OXR1: variants seen among roughly 807,000 people sequenced by gnomAD.
OXR1 encodes oxidation resistance protein 1.
Under a neutral mutation model 104.6 loss-of-function variants are expected in OXR1, and 41 were observed. That is an observed-to-expected ratio of 0.39 (90% confidence interval 0.31 to 0.51). The LOEUF (loss-of-function observed/expected upper bound fraction) is 0.51. Ranked by LOEUF, OXR1 falls within the 20% of genes least tolerant of loss-of-function variation. OXR1 has a pLI of 0.77. For missense variants in OXR1, 955 were observed against 1,031.9 expected (o/e 0.93, Z 1.02); for synonymous variants, 348 against 348.4 (o/e 1.00, Z 0.01).
At chr8:106,307,321 A>G (rs1813505488) in intron 1 of OXR1, among the ~76,000 whole-genome samples, 1 of 152,100 alleles carries the variant, frequency 6.6e-6, no homozygotes, top group African/African-American at 2.4e-5. Context: ...TGATTTCCCC[A>G]TTGTCCCCAG....
rs535393445 is a variant in OXR1 at position 106,639,795 on chromosome 8, G to A, written c.221-39415G>A. On this transcript the variant is annotated intron_variant, in intron 3 of 16. Coordinates refer to ENST00000517566, the MANE Select transcript of OXR1 (RefSeq NM_001198533.2). ...TAATGCTTTCTATTGAAGAATTGAT[G>A]TATCATTCCAGATGCTCCTAGAATA... Among the ~76,000 whole-genome samples, 10 of 152,284 alleles carry A rather than the reference G, an allele frequency of 6.6e-5. 1 individual carries two copies. The South Asian group carries it at 2.1e-3, about 32-fold the overall frequency.
intron 2 of OXR1, among the ~76,000 whole-genome samples, chr8:106,478,604 T>C (rs1821931065): frequency 6.6e-6 from 1 of 151,866 alleles, no homozygotes; most frequent in Non-Finnish European, 1.5e-5. Flanking sequence ...AGATAAATAC[T>C]GGACTTAGTT....
chr8:106,274,600 A>ACCG (rs1811953902), intron 1 of OXR1, among the ~76,000 whole-genome samples: 1 of 108,866 alleles, frequency 9.2e-6, no homozygotes, highest in African/African-American at 3.5e-5. Flanking sequence ...CAGCAACGCC[A>ACCG]CCCCCCCCCC....
chr8:106,409,497 A>C (rs1301533454), intron 2 of OXR1, among the ~76,000 whole-genome samples: 1 of 152,218 alleles, frequency 6.6e-6, no homozygotes, highest in Non-Finnish European at 1.5e-5. Flanking sequence ...AACAATTATC[A>C]TATACAAGAA....
At chr8:106,336,541 A>G (rs903496288) in intron 1 of OXR1, among the ~76,000 whole-genome samples, 1 of 152,234 alleles carries the variant, frequency 6.6e-6, no homozygotes, top group Non-Finnish European at 1.5e-5. Flanking sequence ...CATTTCAAAT[A>G]TAGACTTGTG....
At chr8:106,409,614 G>C (rs1402151321) in intron 2 of OXR1, among the ~76,000 whole-genome samples, 1 of 152,128 alleles carries the variant, frequency 6.6e-6, no homozygotes, top group East Asian at 1.9e-4. Flanking sequence ...TCAAAGGAAT[G>C]ACATCCATGG....
intron 2 of OXR1, among the ~76,000 whole-genome samples, chr8:106,510,558 T>C (rs1047502813): frequency 2.0e-5 from 3 of 152,196 alleles, no homozygotes; most frequent in Admixed American, 6.5e-5. Context: ...TAGTTTGGGG[T>C]TTAATTTCTA....
chr8:106,363,558 T>G (rs952565415), intron 2 of OXR1, among the ~76,000 whole-genome samples: 15 of 136,620 alleles, frequency 1.1e-4, no homozygotes, highest in Non-Finnish European at 1.9e-4. Flanking sequence ...CATATATTCG[T>G]TTTTTTTTTT....
intron 3 of OXR1, among the ~76,000 whole-genome samples, chr8:106,642,472 A>G (rs1325906366): frequency 1.3e-5 from 2 of 152,200 alleles, no homozygotes; most frequent in African/African-American, 4.8e-5. Flanking sequence ...GTCATATTTA[A>G]TAAATGGCTT....
chr8:106,344,992 C>G (rs1297385619), intron 1 of OXR1, among the ~76,000 whole-genome samples: 1 of 152,218 alleles, frequency 6.6e-6, no homozygotes, highest in Non-Finnish European at 1.5e-5. Flanking sequence ...TGTGAGGAAA[C>G]AGCTGTGCTT....
At chr8:106,722,780 C>A (rs916793043) in intron 11 of OXR1, among the ~76,000 whole-genome samples, 1 of 152,134 alleles carries the variant, frequency 6.6e-6, no homozygotes, top group African/African-American at 2.4e-5. Flanking sequence ...CTTAAAGATG[C>A]ATTTCTCAGA....
intron 2 of OXR1, among the ~76,000 whole-genome samples, chr8:106,485,093 G>C (rs1375480526): frequency 1.3e-5 from 2 of 151,930 alleles, no homozygotes; most frequent in African/African-American, 4.8e-5. Flanking sequence ...CTGTATGATT[G>C]AAACTATATG....
chr8:106,595,566 A>AAAAAG (rs1479957421), intron 3 of OXR1, among the ~76,000 whole-genome samples: 2 of 151,636 alleles, frequency 1.3e-5, no homozygotes, highest in African/African-American at 2.4e-5. Context: ...AAAAAAAAAA[A>AAAAAG]AAAAGAAAAG....
intron 1 of OXR1, among the ~76,000 whole-genome samples, chr8:106,350,621 A>G (rs959777076): frequency 5.9e-5 from 9 of 152,220 alleles, no homozygotes; most frequent in Non-Finnish European, 1.0e-4. Context: ...CAAGGTTACC[A>G]TCTGTGCTGA....
chr8:106,729,792 C>G (rs528187073), intron 11 of OXR1: 1 of 152,140 alleles, frequency 6.6e-6, no homozygotes, highest in African/African-American at 2.4e-5. Context: ...AATTTAATAG[C>G]ATAGTGGTCT....
intron 3 of OXR1, among the ~76,000 whole-genome samples, chr8:106,575,699 TA>T (rs10583625): frequency 0.17 from 25,440 of 145,816 alleles, 2,248 homozygotes; most frequent in East Asian, 0.33. Flanking sequence ...AAGAATATAT[TA>T]AAAAAAAAAA....
At chr8:106,646,399 C>T (rs531069726) in intron 3 of OXR1, among the ~76,000 whole-genome samples, 1 of 152,046 alleles carries the variant, frequency 6.6e-6, no homozygotes, top group Non-Finnish European at 1.5e-5. Flanking sequence ...TGAGCCACCG[C>T]GCTTGGCCCT....
intron 2 of OXR1, among the ~76,000 whole-genome samples, chr8:106,444,264 T>G (rs1819919803): frequency 6.6e-6 from 1 of 152,194 alleles, no homozygotes; most frequent in African/African-American, 2.4e-5. Context: ...GTTCAACCAT[T>G]GTGGAAGACA....
intron 10 of OXR1, 29 bp from the exon 11 acceptor site, chr8:106,713,794 G>A (rs1276732688): frequency 7.2e-7 from 1 of 1,388,854 alleles, no homozygotes; most frequent in South Asian, 1.6e-5. Context: ...CAGAATACTA[G>A]GTATATTAAT....
Sources: gnomAD v4.1 joint callset for allele counts (sites outside exome capture counted in the v4.1 genomes callset) on GRCh38, gnomAD v4.1.1 for gene constraint, MANE v1.5 for transcripts, NCBI Gene and HGNC (gene_info 2026-07-23, HGNC 2026-07-21) for gene names.